PTPN14: variants seen among roughly 807,000 people sequenced by gnomAD.
PTPN14 encodes the protein tyrosine-protein phosphatase non-receptor type 14.
Under a neutral mutation model 126.8 loss-of-function variants are expected in PTPN14, and 53 were observed. The ratio of observed to expected loss-of-function variants is 0.42; its 90% confidence interval spans 0.34 to 0.53. The LOEUF is 0.53. PTPN14 is among the 20% of genes least tolerant of loss of function. The pLI is 0.08. For missense variants in PTPN14, 1,257 were observed against 1,552.9 expected (o/e 0.81, Z 3.20); for synonymous variants, 630 against 599.3 (o/e 1.05, Z -0.75).
chr1:214,419,901 G>A lies in PTPN14; in HGVS notation c.345-5175C>T, dbSNP rs556256602. 2.0e-5 allele frequency among the ~76,000 whole-genome samples: 3 copies of A among 152,248 alleles called. No homozygotes were observed. In the East Asian group the frequency reaches 5.8e-4, roughly 29 times the overall value. On this transcript the variant is annotated intron_variant, in intron 3 of 18. Transcript: ENST00000366956. Reference sequence around the variant, plus strand: ...TCTGCCAGGACCAGATAAATACTATGTATGCAGGCATGCAACCAGATAAAC... The same window carrying A: ...TCTGCCAGGACCAGATAAATACTATATATGCAGGCATGCAACCAGATAAAC...
At chr1:214,369,083 A>G (rs112174064) in intron 17 of PTPN14, among the ~76,000 whole-genome samples, 164 of 152,274 alleles carry the variant, frequency 1.1e-3, no homozygotes, top group African/African-American at 3.8e-3. Flanking sequence ...AACCTCATAT[A>G]AGTGGAATCA....
In PTPN14 at chr1:214,376,384, C is replaced by A. The variant is rs560225632; in HGVS notation, c.2742G>T (p.Glu914Asp). The change falls in exon 15 of 19, where the codon GAG (glutamate) becomes GAT (aspartate). Residue 914 changes from glutamate (E) to aspartate (D), a missense_variant. Around this residue, in one of 3 missense-constraint regions of PTPN14, gnomAD observed 65 missense variants for 139.7 expected, o/e 0.47. Transcript: ENST00000366956. ...CATTCGCCTTTTTCTTTGGAATTTG[C>A]TCATATTCTGTGAACACCATTCCCT... ...LEEGMVFTEY[E>D]QIPKKKANGI... 2.2e-5 allele frequency: 36 copies of A among 1,614,126 alleles called. 1 individual carries two copies. In the East Asian group the frequency reaches 7.6e-4, roughly 34 times the overall value.
intron 1 of PTPN14, among the ~76,000 whole-genome samples, chr1:214,467,001 C>A (rs1337524011): frequency 6.6e-6 from 1 of 152,172 alleles, no homozygotes; most frequent in Non-Finnish European, 1.5e-5. Context: ...CATTCCTTAA[C>A]ATGACAGGTA....
At chr1:214,401,855 G>A in intron 6 of PTPN14, 83 bp from the exon 7 acceptor site, 3 of 1,153,940 alleles carry the variant, frequency 2.6e-6, no homozygotes, top group Non-Finnish European at 3.8e-6. Context: ...AAATTCCAGA[G>A]CTGTGGTTTA....
At position 214,390,719 on chromosome 1, in the gene PTPN14, T is replaced by G. The variant is rs1558081814; in HGVS notation, c.987+269A>C. On this transcript the variant is annotated intron_variant, in intron 11 of 18. Transcript: ENST00000366956. The stretch of plus-strand genomic sequence containing the variant: ...GAATGAAAACACACCATGGGCTGTA[T>G]GCTGATGGAACATGGTCCCACAGGC... Among the ~76,000 whole-genome samples, 3 of 152,176 alleles carry G rather than the reference T, an allele frequency of 2.0e-5. No homozygotes were observed. The South Asian group carries it at 6.2e-4, about 32-fold the overall frequency.
In PTPN14 at chr1:214,551,579, CT is replaced by C. The variant is rs1162020561; in HGVS notation, c.-552del. 1 of 152,302 alleles carries C rather than the reference CT, an allele frequency of 6.6e-6. No individual in the cohort carries two copies. The highest frequency in any genetic ancestry group is 6.5e-5 in the Admixed American group (1 of 15,284). 9.4% of individuals were successfully genotyped at this position (152,302 alleles called of 1,614,324 possible). A position where few individuals can be genotyped will look rare whatever the true frequency, so the allele number is the denominator to read the frequency against. On this transcript the variant is annotated 5_prime_UTR_variant, in exon 1 of 19. Coordinates refer to ENST00000366956, the MANE Select transcript of PTPN14 (RefSeq NM_005401.5). Reference sequence around the variant, plus strand: ...CCCGAGTCTGCGCCCGCTGCGCTCACTCCGCCGAGAAAAAGTTGGAAAGAAC... The same window carrying C: ...CCCGAGTCTGCGCCCGCTGCGCTCACCCGCCGAGAAAAAGTTGGAAAGAAC...
intron 1 of PTPN14, among the ~76,000 whole-genome samples, chr1:214,505,175 C>T (rs1432532515): frequency 2.8e-5 from 4 of 141,672 alleles, no homozygotes; most frequent in East Asian, 2.1e-4. Flanking sequence ...TGTGAATACC[C>T]GCCAGGGAAA....
At chr1:214,428,131 C>T (rs1489161816) in intron 3 of PTPN14, among the ~76,000 whole-genome samples, 2 of 152,024 alleles carry the variant, frequency 1.3e-5, no homozygotes, top group East Asian at 3.9e-4. Context: ...CTGGGAGGGG[C>T]AAGGGTGGAA....
At chr1:214,547,399 TTTCTAACATTG>T (rs1054149479) in intron 1 of PTPN14, among the ~76,000 whole-genome samples, 67 of 152,356 alleles carry the variant, frequency 4.4e-4, no homozygotes, top group African/African-American at 1.5e-3. Context: ...CCTGCCCTTT[TTTCTAACATTG>T]TTCTAACATT....
chr1:214,515,157 T>C (rs1655068716), intron 1 of PTPN14, among the ~76,000 whole-genome samples: 1 of 151,998 alleles, frequency 6.6e-6, no homozygotes, highest in Admixed American at 6.6e-5. Context: ...AGGAGAGAAA[T>C]CCCTCCGTAA....
rs367623988 is a variant in PTPN14 at position 214,506,909 on chromosome 1, GT to G, written c.-154-41953del. 3.6e-3 allele frequency among the ~76,000 whole-genome samples: 489 copies of G among 136,732 alleles called. 2 individuals carry two copies. The highest frequency in any genetic ancestry group is 8.2e-3 in the East Asian group (40 of 4,888). The allele number at this position is 136,732 out of a possible 152,430, so 89.7% of individuals were successfully genotyped here. On this transcript the variant is annotated intron_variant, in intron 1 of 18. Transcript: ENST00000366956. ...CTAACATCTGCTAACAAGAGCGCGG[GT>G]TTTTTTTTTTTTCCATGTTTTGTAC...
intron 16 of PTPN14, 104 bp downstream of exon 16, chr1:214,372,607 C>G: frequency 6.6e-7 from 1 of 1,521,022 alleles, no homozygotes; most frequent in Non-Finnish European, 9.1e-7. Context: ...AGAAACAGCA[C>G]TGCAGGAAGA....
chr1:214,434,391 C>A (rs1422849557), intron 3 of PTPN14, among the ~76,000 whole-genome samples: 1 of 152,040 alleles, frequency 6.6e-6, no homozygotes, highest in Non-Finnish European at 1.5e-5. Flanking sequence ...GCAGTGTCCT[C>A]TGGTAACCTT....
Position 214,542,667 on chromosome 1 carries a change from G to C in PTPN14, c.-155+8516C>G, listed in dbSNP as rs527463651. ...AAGTGGTATTGAAGGAGGGCTTGGA[G>C]GGATGGTTTTGATAGGCAATGATGA... On this transcript the variant is annotated intron_variant, in intron 1 of 18. Transcript: ENST00000366956. Among the ~76,000 whole-genome samples, 21 of 152,298 alleles carry C rather than the reference G, an allele frequency of 1.4e-4. 1 individual carries two copies. The highest frequency in any genetic ancestry group is 5.2e-4 in the Admixed American group (8 of 15,302).
intron 2 of PTPN14, among the ~76,000 whole-genome samples, chr1:214,459,084 T>C (rs1202514858): frequency 3.9e-5 from 6 of 152,078 alleles, no homozygotes; most frequent in Admixed American, 1.3e-4. Context: ...CATGACCTCT[T>C]GCCAGGTTTA....
intron 2 of PTPN14, among the ~76,000 whole-genome samples, chr1:214,456,965 T>C (rs1660397756): frequency 1.3e-5 from 2 of 152,236 alleles, no homozygotes; most frequent in Non-Finnish European, 1.5e-5. Flanking sequence ...AAACAAGCTA[T>C]AAAATACAGC....
At chr1:214,493,051 G>A (rs1459765950) in intron 1 of PTPN14, among the ~76,000 whole-genome samples, 1 of 152,138 alleles carries the variant, frequency 6.6e-6, no homozygotes, top group Non-Finnish European at 1.5e-5. Flanking sequence ...TGTTTTCAGA[G>A]GGGGGATGAT....
chr1:214,401,323 A>G (rs1257757384), intron 7 of PTPN14, among the ~76,000 whole-genome samples: 1 of 152,256 alleles, frequency 6.6e-6, no homozygotes, highest in Non-Finnish European at 1.5e-5. Flanking sequence ...ATGAAGAGAA[A>G]AAGAGAATAA....
At chr1:214,542,826 G>C (rs67483753) in intron 1 of PTPN14, among the ~76,000 whole-genome samples, 43,647 of 151,964 alleles carry the variant, frequency 0.29, 6,918 homozygotes, top group African/African-American at 0.42. Flanking sequence ...AGACGCCCAC[G>C]TGGGAATCAT....
Sources: allele counts gnomAD v4.1 joint callset (sites outside exome capture counted in the v4.1 genomes callset), GRCh38; gene constraint gnomAD v4.1.1; regional missense constraint gnomAD v4.1.1; transcripts MANE v1.5; gene names NCBI Gene and HGNC (gene_info 2026-07-23, HGNC 2026-07-21).